The following PDE10A variants were observed in gnomAD, a reference collection of about 807,000 sequenced individuals.
PDE10A encodes the protein cAMP and cAMP-inhibited cGMP 3',5'-cyclic phosphodiesterase 10A.
PDE10A carries 39 observed loss-of-function variants against 97.7 expected under a neutral mutation model. The ratio of observed to expected loss-of-function variants is 0.40; its 90% CI spans 0.31 to 0.52. The LOEUF (loss-of-function observed/expected upper bound fraction) is 0.52, where lower values mean the gene tolerates loss of function less well. Among genes scored for constraint, PDE10A ranks in the 20% least tolerant of loss-of-function variants. The probability of loss-of-function intolerance (pLI) is 0.56; values close to 1 mark genes in which losing one functional copy is unlikely to be tolerated. For synonymous variants in PDE10A, 371 were observed against 376.8 expected (o/e 0.98, Z 0.18); for missense variants, 731 against 1,047.8 (o/e 0.70, Z 4.17).
At chr6:165,980,357 A>G (rs1389713364) in intron 1 of PDE10A, among the ~76,000 whole-genome samples, 7 of 151,856 alleles carry the variant, frequency 4.6e-5, no homozygotes, top group African/African-American at 1.7e-4. Flanking sequence ...ATACATGTAT[A>G]CATGTGTTGA....
At position 165,661,443 on chromosome 6, in the gene PDE10A, A is replaced by T. The variant is rs755608813; in HGVS notation, c.865+504T>A. On this transcript the variant is annotated intron_variant, in intron 1 of 21. Transcript: ENST00000539869. The surrounding 1 kb of genome is among the most constrained non-coding windows in gnomAD (Gnocchi z 4.8). ...CCGAGTCCTGGAGAACGGCGGTGCC[A>T]TCACAGTTGGAAGCGCGGGGTTCTG... The T allele has an allele frequency of 6.6e-6, 1 of 152,576 alleles. No homozygotes were observed. The highest frequency in any genetic ancestry group is 2.4e-5 in the African/African-American group (1 of 41,460). The allele number at this position is 152,576 out of a possible 1,614,324, so 9.5% of individuals were successfully genotyped here. A position where few individuals can be genotyped will look rare whatever the true frequency, so the allele number is the denominator to read the frequency against.
At chr6:165,803,400 T>C (rs1425663008) in intron 1 of PDE10A, among the ~76,000 whole-genome samples, 1 of 152,230 alleles carries the variant, frequency 6.6e-6, no homozygotes, top group Non-Finnish European at 1.5e-5. Flanking sequence ...AGCTACACTT[T>C]TGTGTCTCCA....
At chr6:165,752,129 C>CAAAAAAAAAAAAAAAAAAAAAAA (rs58229023) in intron 1 of PDE10A, among the ~76,000 whole-genome samples, 1 of 66,356 alleles carries the variant, frequency 1.5e-5, no homozygotes, top group Non-Finnish European at 3.0e-5. Context: ...GGCAACAGAG[C>CAAAAAAAAAAAAAAAAAAAAAAA]AAAAAAAAAA....
chr6:165,555,298 T>A (rs1428862116), intron 1 of PDE10A, among the ~76,000 whole-genome samples: 1 of 152,096 alleles, frequency 6.6e-6, no homozygotes, highest in Non-Finnish European at 1.5e-5. Flanking sequence ...ATACACCTAG[T>A]ATGTACCCAC....
At chr6:165,908,787 A>C (rs1420365027) in intron 1 of PDE10A, 2 of 152,238 alleles carry the variant, frequency 1.3e-5, no homozygotes, top group African/African-American at 2.4e-5. Flanking sequence ...AGCCTTGTCA[A>C]GCGGTGTGTT....
chr6:165,430,298 G>T lies in PDE10A; in HGVS notation c.1590C>A (p.Leu530=). 2 of 1,606,924 alleles carry T rather than the reference G, an allele frequency of 1.2e-6. No individual in the cohort carries two copies. Among genetic ancestry groups the T allele is most frequent in the Non-Finnish European group, 1.7e-6 (2 of 1,174,920 alleles). The stretch of plus-strand genomic sequence containing the variant: ...AAATGAACACTTACTTTGATACGTC[G>T]AGTAGGAAGTCATTCAATTCTGTCT... ...AKQTELNDFL[L]DVSKTYFDNI... is the part of the protein sequence containing the mutation. The change falls in exon 9 of 22, where the codon CTC becomes CTA. Residue 530 remains leucine (L), a synonymous_variant. Transcript: ENST00000539869.
chr6:165,684,637 C>T (rs1483674629), intron 1 of PDE10A, among the ~76,000 whole-genome samples: 1 of 152,224 alleles, frequency 6.6e-6, no homozygotes, highest in African/African-American at 2.4e-5. Context: ...TGTACTAGGT[C>T]TTCCAGTGGT....
At chr6:165,928,919 T>C (rs1195064935) in intron 1 of PDE10A, among the ~76,000 whole-genome samples, 1 of 152,192 alleles carries the variant, frequency 6.6e-6, no homozygotes, top group Non-Finnish European at 1.5e-5. Context: ...TAGTGCAGTC[T>C]TGCTGGGATG....
chr6:165,664,023 T>C (rs1790428429), upstream of PDE10A, among the ~76,000 whole-genome samples: 2 of 152,184 alleles, frequency 1.3e-5, no homozygotes, highest in South Asian at 4.1e-4. Flanking sequence ...GGGGCCACCA[T>C]GGCGCGCTGG....
intron 10 of PDE10A, among the ~76,000 whole-genome samples, chr6:165,428,102 T>G (rs988703335): frequency 6.6e-6 from 1 of 152,066 alleles, no homozygotes; most frequent in Admixed American, 6.6e-5. Context: ...TTAAAGCACA[T>G]AACAGGGCAC....
intron 1 of PDE10A, among the ~76,000 whole-genome samples, chr6:165,764,271 T>C (rs572878105): frequency 6.6e-6 from 1 of 152,326 alleles, no homozygotes; most frequent in East Asian, 1.9e-4. Flanking sequence ...GTAAGGATAA[T>C]ATTAGTGCTT....
At chr6:165,453,362 A>G (rs1777752663) in intron 3 of PDE10A, among the ~76,000 whole-genome samples, 1 of 152,254 alleles carries the variant, frequency 6.6e-6, no homozygotes, top group Admixed American at 6.5e-5. Context: ...GCAACTGACC[A>G]TTTTCTAAAA....
chr6:165,642,327 T>C (rs1789175925), intron 1 of PDE10A, among the ~76,000 whole-genome samples: 1 of 152,240 alleles, frequency 6.6e-6, no homozygotes, highest in African/African-American at 2.4e-5. Context: ...AGGTCGGCCT[T>C]GGCCACGAGG....
At chr6:165,510,770 C>T (rs552654089) in intron 2 of PDE10A, among the ~76,000 whole-genome samples, 1 of 151,946 alleles carries the variant, frequency 6.6e-6, no homozygotes, top group African/African-American at 2.4e-5. Context: ...GCATGCAGCC[C>T]GGAATTTATC....
intron 1 of PDE10A, among the ~76,000 whole-genome samples, chr6:165,689,817 G>GT (rs1486066645): frequency 6.6e-6 from 1 of 152,058 alleles, no homozygotes; most frequent in Non-Finnish European, 1.5e-5. Context: ...TCGCTAAAGT[G>GT]TCCAGCCCAT....
At chr6:165,818,042 G>C (rs997052104) in intron 1 of PDE10A, among the ~76,000 whole-genome samples, 2 of 152,182 alleles carry the variant, frequency 1.3e-5, no homozygotes, top group African/African-American at 4.8e-5. Context: ...CTCTCTGAGC[G>C]AAGCAAGCTG....
At chr6:165,887,555 C>T (rs1374647231) in intron 1 of PDE10A, among the ~76,000 whole-genome samples, 2 of 152,178 alleles carry the variant, frequency 1.3e-5, no homozygotes, top group Non-Finnish European at 2.9e-5. Flanking sequence ...CCCTGCAGTC[C>T]TCTCAGCCAG....
chr6:165,358,423 C>A (rs1783173303), intron 18 of PDE10A, among the ~76,000 whole-genome samples: 1 of 151,498 alleles, frequency 6.6e-6, no homozygotes, highest in African/African-American at 2.4e-5. Flanking sequence ...TGTACATTGA[C>A]CATTTCAGAG....
intron 2 of PDE10A, among the ~76,000 whole-genome samples, chr6:165,516,067 C>CTGCCTTAGGCAGAATTTGT (rs1781788036): frequency 6.6e-6 from 1 of 152,174 alleles, no homozygotes; most frequent in Admixed American, 6.5e-5. Context: ...TTATCTCATC[C>CTGCCTTAGGCAGAATTTGT]TGCCTTAGGC....
Sources: gnomAD v4.1 joint callset for allele counts (sites outside exome capture counted in the v4.1 genomes callset) on GRCh38, gnomAD v4.1.1 for gene constraint, Gnocchi (gnomAD v3.1) non-coding constraint, MANE v1.5 for transcripts, NCBI Gene and HGNC (gene_info 2026-07-23, HGNC 2026-07-21) for gene names.